The following SPG11 variants were observed in gnomAD, a reference collection of about 807,000 sequenced individuals.
SPG11 encodes the protein SPG11 vesicle trafficking associated, spatacsin.
A neutral mutation model predicts 274.0 loss-of-function variants in SPG11; 222 were observed. The observed-to-expected ratio is 0.81, with a 90% CI of 0.73 to 0.91. The LOEUF (loss-of-function observed/expected upper bound fraction) is 0.91, where lower values mean the gene tolerates loss of function less well. SPG11 is among the 40% of genes least tolerant of loss of function. SPG11 has a pLI of 0.00. For missense variants in SPG11, 3,114 were observed against 2,872.7 expected (o/e 1.08, Z -1.92); for synonymous variants, 1,144 against 1,039.7 (o/e 1.10, Z -1.93).
intron 8 of SPG11, among the ~76,000 whole-genome samples, chr15:44,629,632 A>C (rs1256637305): frequency 6.6e-6 from 1 of 152,200 alleles, no homozygotes; most frequent in East Asian, 1.9e-4. Flanking sequence ...CTACATCTTA[A>C]GTACTGTACT....
chr15:44,659,923 T>G (rs1035707061), intron 2 of SPG11, among the ~76,000 whole-genome samples: 1 of 152,256 alleles, frequency 6.6e-6, no homozygotes, highest in Non-Finnish European at 1.5e-5. Flanking sequence ...TAGCTGGGCG[T>G]GGCGGCGGGC....
intron 17 of SPG11, 60 bp downstream of exon 17, chr15:44,613,370 T>C: frequency 9.1e-7 from 1 of 1,098,978 alleles, no homozygotes; most frequent in Non-Finnish European, 1.4e-6. Context: ...TTTAATACCA[T>C]TCAACAGACC....
rs142492273 is a variant in SPG11, at chr15:44,653,123, T to C, written c.870-857A>G. On this transcript the variant is annotated intron_variant, in intron 4 of 39. Transcript: ENST00000261866. ...AAATGAGAAGTAAGATGGAATGGGA[T>C]GAGGCTAGAAAGATGGTTCAGGGCC... Among the ~76,000 whole-genome samples the C allele has an allele frequency of 1.1e-3, 166 of 152,146 alleles. 1 individual carries two copies. Among genetic ancestry groups the C allele is most frequent in the African/African-American group, 3.8e-3 (158 of 41,516 alleles).
At chr15:44,569,125 A>G (rs939588293) in intron 35 of SPG11, among the ~76,000 whole-genome samples, 2 of 150,798 alleles carry the variant, frequency 1.3e-5, no homozygotes, top group Non-Finnish European at 2.9e-5. Flanking sequence ...AGATCACGCC[A>G]TTTGCACTCC....
intron 4 of SPG11, among the ~76,000 whole-genome samples, chr15:44,654,625 A>G (rs1364589490): frequency 3.3e-5 from 5 of 152,148 alleles, no homozygotes; most frequent in Non-Finnish European, 7.4e-5. Flanking sequence ...GGATCATCTG[A>G]GGTCATAAGT....
chr15:44,618,204 C>T (rs1413177741), intron 15 of SPG11, among the ~76,000 whole-genome samples: 1 of 151,968 alleles, frequency 6.6e-6, no homozygotes, highest in African/African-American at 2.4e-5. Context: ...TTCTAGGTAC[C>T]CCTTTTAAGT....
intron 20 of SPG11, chr15:44,604,323 G>A (rs1272509648): frequency 3.8e-6 from 1 of 261,032 alleles, no homozygotes; most frequent in African/African-American, 2.3e-5. Flanking sequence ...ATTCTTGTGA[G>A]AACAGAGCGA....
Position 44,600,611 on chromosome 15 carries a change from T to C in SPG11, c.3542A>G (p.His1181Arg), listed in dbSNP as rs912012668. Residue 1181 changes from histidine (H) to arginine (R), a missense_variant, in exon 21 of 40, where the codon CAT becomes CGT. His to Arg is a conservative substitution (Grantham distance 29, BLOSUM62 0). Transcript: ENST00000261866. ...ATTAACCAGGTCAGGGCTAGAGAAA[T>C]GTGGGAGATGACTCCATGCATCTAG... ...AIGDAWSHLP[H>R]FSSPDLVNKY... is the part of the protein sequence containing the mutation. The C allele has an allele frequency of 5.6e-6, 9 of 1,613,934 alleles. No individual in the cohort carries two copies. The South Asian group carries it at 9.9e-5, about 18-fold the overall frequency.
chr15:44,617,968 G>T (rs2083632577), intron 15 of SPG11, among the ~76,000 whole-genome samples: 1 of 151,940 alleles, frequency 6.6e-6, no homozygotes, highest in Non-Finnish European at 1.5e-5. Flanking sequence ...GAGCCACCGT[G>T]CCCGGCAGAC....
intron 11 of SPG11, among the ~76,000 whole-genome samples, 159 bp from the exon 12 acceptor site, chr15:44,622,958 T>C (rs933833258): frequency 3.3e-5 from 5 of 152,152 alleles, no homozygotes; most frequent in Admixed American, 3.3e-4. Context: ...CCTACTTTCT[T>C]TTTTCTTTTT....
intron 26 of SPG11, among the ~76,000 whole-genome samples, chr15:44,594,714 A>T (rs1296464641): frequency 6.6e-6 from 1 of 151,474 alleles, no homozygotes; most frequent in East Asian, 2.0e-4. Flanking sequence ...AGTGAGCCTT[A>T]TTATGACACT....
rs2083502791 is a variant in SPG11, at chr15:44,613,161, G to GC, written c.3145+268_3145+269insG. Among the ~76,000 whole-genome samples, 2 of 152,202 alleles carry GC rather than the reference G, an allele frequency of 1.3e-5. 1 individual carries two copies. The highest frequency in any genetic ancestry group is 4.1e-4 in the South Asian group (2 of 4,834). ...AATTCAGCCTGTGACAAACTGGTGG[G>GC]ATAAGGGAAATTCTAGAGCACGATG... is the stretch of plus-strand genomic sequence containing the variant. On this transcript the variant is annotated intron_variant, in intron 17 of 39. Coordinates refer to ENST00000261866, the MANE Select transcript of SPG11 (RefSeq NM_025137.4).
intron 23 of SPG11, 91 bp from the exon 24 acceptor site, chr15:44,597,034 A>T: frequency 7.9e-7 from 1 of 1,264,436 alleles, no homozygotes; most frequent in Non-Finnish European, 1.1e-6. Context: ...ATGAGTAAAA[A>T]TGATATAAAT....
Position 44,563,283 on chromosome 15 carries a change from A to AG in SPG11, c.7169dup (p.Thr2391TyrfsTer2), listed in dbSNP as rs2140908233. The AG allele has an allele frequency of 6.2e-7, 1 of 1,613,544 alleles. No homozygotes were observed. The highest frequency in any genetic ancestry group is 8.5e-7 in the Non-Finnish European group (1 of 1,179,504). Reference sequence around the variant, plus strand: ...TCAGGTTTTCCATGACCATGTCAGTAGGCTGATGTTGTTTATATCTAGATA... The same window carrying AG: ...TCAGGTTTTCCATGACCATGTCAGTAGGGCTGATGTTGTTTATATCTAGATA... On this transcript the variant is annotated frameshift_variant, in exon 40 of 40. Transcript: ENST00000261866. LOFTEE classifies it high-confidence loss of function.
intron 1 of SPG11, among the ~76,000 whole-genome samples, chr15:44,663,165 G>T (rs1566837847): frequency 6.6e-6 from 1 of 152,258 alleles, no homozygotes; most frequent in African/African-American, 2.4e-5. Context: ...CGCCCACCCG[G>T]AACAGGAGAG....
intron 35 of SPG11, among the ~76,000 whole-genome samples, chr15:44,568,518 G>A (rs1158275095): frequency 6.6e-6 from 1 of 152,208 alleles, no homozygotes; most frequent in Non-Finnish European, 1.5e-5. Context: ...TCTGGAAACA[G>A]GTACTGTGAG....
chr15:44,610,405 C>T (rs908491481), intron 18 of SPG11, among the ~76,000 whole-genome samples: 3 of 151,818 alleles, frequency 2.0e-5, no homozygotes, highest in South Asian at 2.1e-4. Context: ...TTTTTTGAGA[C>T]GGAGTCCCGC....
At chr15:44,613,356 C>T (rs1322960757) in intron 17 of SPG11, 74 bp downstream of exon 17, 1 of 971,056 alleles carries the variant, frequency 1.0e-6, no homozygotes, top group Non-Finnish European at 1.7e-6. Flanking sequence ...AAAGAGTTCA[C>T]AAGTTTAATA....
intron 4 of SPG11, among the ~76,000 whole-genome samples, chr15:44,653,835 A>C (rs769118858): frequency 2.6e-5 from 4 of 152,228 alleles, no homozygotes; most frequent in African/African-American, 7.2e-5. Context: ...TGACCCTTGA[A>C]TATCACAGGT....
Sources: gnomAD v4.1 joint callset for allele counts (sites outside exome capture counted in the v4.1 genomes callset) on GRCh38, gnomAD v4.1.1 for gene constraint, MANE v1.5 for transcripts, NCBI Gene and HGNC (gene_info 2026-07-23, HGNC 2026-07-21) for gene names.